ELF1: variants seen among roughly 807,000 people sequenced by gnomAD.
The protein encoded by ELF1 is E74 like ETS transcription factor 1.
ELF1 carries 24 observed loss-of-function variants against 59.9 expected under a neutral mutation model. The observed-to-expected ratio is 0.40, with a 90% CI of 0.29 to 0.56. ELF1 has a LOEUF of 0.56. Among genes scored for constraint, ELF1 ranks in the 20% least tolerant of loss-of-function variants. ELF1 has a pLI of 0.44. For synonymous variants in ELF1, 248 were observed against 266.2 expected, an observed-to-expected ratio of 0.93 and a Z score of 0.67; for missense variants, 627 against 742.2, an observed-to-expected ratio of 0.84 and a Z score of 1.80.
intron 1 of ELF1, among the ~76,000 whole-genome samples, chr13:41,029,175 G>A (rs558268820): frequency 2.0e-5 from 3 of 152,142 alleles, no homozygotes; most frequent in Non-Finnish European, 4.4e-5. Flanking sequence ...ATCATTTTAG[G>A]CAGAGCTACA....
At chr13:40,955,389 T>G (rs1427041695) in intron 3 of ELF1, among the ~76,000 whole-genome samples, 2 of 132,050 alleles carry the variant, frequency 1.5e-5, no homozygotes, top group African/African-American at 5.7e-5. Flanking sequence ...GTCATCCCCC[T>G]GCCCGGCCAG....
chr13:41,009,234 G>C (rs192686281), intron 1 of ELF1, among the ~76,000 whole-genome samples: 23 of 151,282 alleles, frequency 1.5e-4, no homozygotes, highest in Admixed American at 4.0e-4. Context: ...AAAGCTCTTT[G>C]GGAGCCTCAA....
chr13:40,996,780 CT>C (rs200371459), intron 1 of ELF1, among the ~76,000 whole-genome samples: 1,866 of 145,262 alleles, frequency 0.013, 42 homozygotes, highest in East Asian at 0.12. Flanking sequence ...AAAATAAAGT[CT>C]TTTTTTTTTT....
At position 41,042,898 on chromosome 13, in the gene ELF1, T is replaced by C. The variant is rs143725565; in HGVS notation, c.-229+17940A>G. Among the ~76,000 whole-genome samples the C allele has an allele frequency of 7.0e-3, 1,067 of 152,350 alleles. 6 individuals carry two copies. The highest frequency in any genetic ancestry group is 0.025 in the African/African-American group (1,023 of 41,572). ...GGGATCGCCACATCTTCCACAATGG[T>C]TGAACTAGTTTACAGTACCACCAAC... On this transcript the variant is annotated intron_variant, in intron 1 of 1. Transcript: ENST00000405737.
intron 8 of ELF1, among the ~76,000 whole-genome samples, chr13:40,937,684 T>G (rs1869873709): frequency 6.6e-6 from 1 of 152,230 alleles, no homozygotes; most frequent in South Asian, 2.1e-4. Flanking sequence ...TTGGGAAGGC[T>G]GGTCTCGAAC....
intron 1 of ELF1, among the ~76,000 whole-genome samples, chr13:41,034,790 T>TAAAAAAAA (rs368956919): frequency 8.5e-6 from 1 of 117,354 alleles, no homozygotes; most frequent in Non-Finnish European, 1.8e-5. Flanking sequence ...ATATTCCTAT[T>TAAAAAAAA]AAAAAAAAAA....
chr13:40,958,856 T>C lies in ELF1; in HGVS notation c.233A>G (p.Asp78Gly). Residue 78 changes from aspartate (D) to glycine (G), a missense_variant, in exon 3 of 9, where the codon GAT becomes GGT. Physicochemically the swap from Asp to Gly is moderately conservative, Grantham distance 94. Coordinates refer to ENST00000239882, the MANE Select transcript of ELF1 (RefSeq NM_172373.4). ...VAEEEIIDDD[D>G]DDITLTVEAS... ...CGCACCTGTAAGGGTGATGTCATCA[T>C]CATCATCGTCTATGATTTCTTCTTC... 1 of 1,612,296 alleles carries C rather than the reference T, an allele frequency of 6.2e-7. No homozygotes were observed. Among genetic ancestry groups the C allele is most frequent in the Non-Finnish European group, 8.5e-7 (1 of 1,178,954 alleles).
chr13:40,935,420 CAT>C (rs1431674024), intron 8 of ELF1, among the ~76,000 whole-genome samples: 2 of 152,096 alleles, frequency 1.3e-5, no homozygotes, highest in African/African-American at 4.8e-5. Flanking sequence ...CTGTTTCTCA[CAT>C]ATGAGAAATA....
In ELF1 at chr13:40,950,115, C is replaced by G. The variant is rs1870759445; in HGVS notation, c.362-142G>C. 3.7e-6 allele frequency: 3 copies of G among 807,700 alleles called. No individual in the cohort carries two copies. The East Asian group carries it at 8.3e-5, about 22-fold the overall frequency. 50.0% of individuals were successfully genotyped at this position (807,700 alleles called of 1,614,324 possible). A position where few individuals can be genotyped will look rare whatever the true frequency, so the allele number is the denominator to read the frequency against. On this transcript the variant is annotated intron_variant, in intron 4 of 8. Coordinates refer to ENST00000239882, the MANE Select transcript of ELF1 (RefSeq NM_172373.4). Reference sequence around the variant, plus strand: ...AAATCTATTCCTGCGTTTAAGTTCCCCTTCCCAAAATCAAATACCCTAAAC... The same window carrying G: ...AAATCTATTCCTGCGTTTAAGTTCCGCTTCCCAAAATCAAATACCCTAAAC...
chr13:41,037,981 C>T (rs1215386753), intron 1 of ELF1, among the ~76,000 whole-genome samples: 4 of 151,530 alleles, frequency 2.6e-5, no homozygotes, highest in Non-Finnish European at 4.4e-5. Flanking sequence ...GCTACTGTCT[C>T]CCCACTATAT....
rs74045975 is a variant in ELF1, at chr13:40,970,936, C to T, written c.72+11047G>A. Among the ~76,000 whole-genome samples the T allele has an allele frequency of 9.5e-3, 1,442 of 152,198 alleles. 20 individuals are homozygous for T. The highest frequency in any genetic ancestry group is 0.033 in the African/African-American group (1,373 of 41,522). On this transcript the variant is annotated intron_variant, in intron 2 of 8. Transcript: ENST00000239882. ...AGTGGTACCCCTAATGTAGTGATGA[C>T]GGAAGCAGCTACTATGTTAAGGACG...
intron 2 of ELF1, among the ~76,000 whole-genome samples, chr13:40,975,116 A>T (rs1450178351): frequency 6.6e-6 from 1 of 152,226 alleles, no homozygotes; most frequent in East Asian, 1.9e-4. Context: ...AAGGTAAATA[A>T]CAGAGGATCC....
chr13:41,060,956 C>T (rs996579274), exon 1 of ELF1: 1 of 352,112 alleles, frequency 2.8e-6, no homozygotes, highest in Non-Finnish European at 5.7e-6. Flanking sequence ...CTGCTGCTGC[C>T]CACACGCTCC....
At chr13:40,936,622 G>A (rs1363645049) in intron 8 of ELF1, among the ~76,000 whole-genome samples, 4 of 151,914 alleles carry the variant, frequency 2.6e-5, no homozygotes, top group Non-Finnish European at 4.4e-5. Flanking sequence ...ATAGTCGGGT[G>A]TGGTGGCGGG....
exon 1 of ELF1, chr13:41,060,914 T>TGCTGCTGCTGCCGCTGCCGCC (rs878930377): frequency 3.0e-6 from 1 of 335,422 alleles, no homozygotes; most frequent in African/African-American, 2.3e-5. Flanking sequence ...AAGCTGCTGC[T>TGCTGCTGCTGCCGCTGCCGCC]GCCGCCGCCG....
At chr13:40,982,723 T>C in intron 1 of ELF1, 1 of 328,502 alleles carries the variant, frequency 3.0e-6, no homozygotes, top group Non-Finnish European at 4.4e-6. Flanking sequence ...AGGATTTATA[T>C]AAGGATTTAA....
intron 1 of ELF1, among the ~76,000 whole-genome samples, chr13:40,995,662 TA>T (rs79517348): frequency 0.2 from 27,457 of 139,916 alleles, 2,602 homozygotes; most frequent in East Asian, 0.27. Flanking sequence ...ATATCCACAT[TA>T]AAAAAAAAAA....
chr13:41,048,097 T>C (rs1208013571), intron 1 of ELF1, among the ~76,000 whole-genome samples: 1 of 152,236 alleles, frequency 6.6e-6, no homozygotes, highest in Non-Finnish European at 1.5e-5. Context: ...TATAATCTCC[T>C]GGTGTGCCAT....
In ELF1 at chr13:40,949,917, C is replaced by A; in HGVS notation, c.418G>T (p.Val140Leu). Residue 140 changes from valine to leucine, a missense_variant, in exon 5 of 9, where the codon GTG becomes TTG. This residue lies in a region of ELF1 where 232 missense variants were observed against 269.2 expected (regional missense o/e 0.86). Coordinates refer to ENST00000239882, the MANE Select transcript of ELF1 (RefSeq NM_172373.4). ...DDMVVAPVTH[V>L]SVTLDGIPEV... The stretch of plus-strand genomic sequence containing the variant: ...GGAATCCCATCTAATGTGACGGACA[C>A]ATGGGTGACTGGGGCAACAACCATG... The A allele has an allele frequency of 6.2e-7, 1 of 1,614,020 alleles. No individual in the cohort carries two copies. Among genetic ancestry groups the A allele is most frequent in the Non-Finnish European group, 8.5e-7 (1 of 1,179,976 alleles).
Sources: allele counts gnomAD v4.1 joint callset (sites outside exome capture counted in the v4.1 genomes callset), GRCh38; gene constraint gnomAD v4.1.1; regional missense constraint gnomAD v4.1.1; transcripts MANE v1.5; gene names NCBI Gene and HGNC (gene_info 2026-07-23, HGNC 2026-07-21).